GTF2A1: variants seen among roughly 807,000 people sequenced by gnomAD.
GTF2A1 encodes the protein general transcription factor IIA subunit 1.
GTF2A1 carries 12 observed loss-of-function variants against 54.1 expected under a neutral mutation model. The ratio of observed to expected loss-of-function variants is 0.22; its 90% confidence interval spans 0.14 to 0.36. The LOEUF (loss-of-function observed/expected upper bound fraction) is 0.36, where lower values mean the gene tolerates loss of function less well. GTF2A1 is among the 10% of genes least tolerant of loss of function. GTF2A1 has a pLI of 1.00. For missense variants in GTF2A1, 335 were observed against 442.2 expected, an observed-to-expected ratio of 0.76 and a Z score of 2.17; for synonymous variants, 145 against 152.0, an observed-to-expected ratio of 0.95 and a Z score of 0.34.
intron 6 of GTF2A1, among the ~76,000 whole-genome samples, chr14:81,195,420 T>C (rs1276669693): frequency 6.7e-6 from 1 of 150,094 alleles, no homozygotes; most frequent in Non-Finnish European, 1.5e-5. Flanking sequence ...GATCACAAGG[T>C]AAGGAGATAG....
rs575614522 is a variant in GTF2A1 at position 81,185,161 on chromosome 14, C to A, written c.1023+370G>T. On this transcript the variant is annotated intron_variant, in intron 8 of 8. Transcript: ENST00000553612. Reference sequence around the variant, plus strand: ...ACAGTTACAGAGATTCAATTGAACCCTTCTAGTTTTGAGATAGTTGAGGCT... The same window carrying A: ...ACAGTTACAGAGATTCAATTGAACCATTCTAGTTTTGAGATAGTTGAGGCT... Among the ~76,000 whole-genome samples, 30 of 152,204 alleles carry A rather than the reference C, an allele frequency of 2.0e-4. No homozygotes were observed. In the South Asian group the frequency reaches 5.4e-3, roughly 27 times the overall value.
At chr14:81,186,594 T>C (rs906853876) in intron 7 of GTF2A1, among the ~76,000 whole-genome samples, 4 of 152,154 alleles carry the variant, frequency 2.6e-5, no homozygotes, top group African/African-American at 9.7e-5. Flanking sequence ...AAGATGTAAC[T>C]GAGATTTCTA....
chr14:81,209,585 T>C (rs1893317153), intron 2 of GTF2A1, among the ~76,000 whole-genome samples: 1 of 152,196 alleles, frequency 6.6e-6, no homozygotes, highest in African/African-American at 2.4e-5. Context: ...ATCTGCATTT[T>C]AACTAGTACC....
At chr14:81,197,709 T>C (rs922811340) in intron 4 of GTF2A1, among the ~76,000 whole-genome samples, 1 of 152,202 alleles carries the variant, frequency 6.6e-6, no homozygotes, top group African/African-American at 2.4e-5. Context: ...AATTGGGTTT[T>C]TTCCCCTAGA....
intron 7 of GTF2A1, among the ~76,000 whole-genome samples, chr14:81,190,009 A>C (rs1369066884): frequency 1.0e-4 from 1 of 9,578 alleles, no homozygotes; most frequent in African/African-American, 1.8e-3. Context: ...TGAACAGGGA[A>C]AAAAAAAGAT....
In GTF2A1 at chr14:81,178,198, A is replaced by C. The variant is rs2140142353; in HGVS notation, c.*2025T>G. The C allele has an allele frequency of 6.6e-6, 1 of 152,266 alleles. No individual in the cohort carries two copies. Among genetic ancestry groups the C allele is most frequent in the South Asian group, 2.1e-4 (1 of 4,828 alleles). The allele number at this position is 152,266 out of a possible 1,614,324, so 9.4% of individuals were successfully genotyped here. A position where few individuals can be genotyped will look rare whatever the true frequency, so the allele number is the denominator to read the frequency against. ...AAGTTTCAGTAGCATAAAAACTACT[A>C]GATAGCCAAAGGGTTTCACTTAAGC... On this transcript the variant is annotated 3_prime_UTR_variant, in exon 9 of 9. Coordinates refer to ENST00000553612, the MANE Select transcript of GTF2A1 (RefSeq NM_015859.4).
chr14:81,186,446 T>G (rs1454362095), intron 7 of GTF2A1, among the ~76,000 whole-genome samples: 1 of 151,828 alleles, frequency 6.6e-6, no homozygotes, highest in African/African-American at 2.4e-5. Flanking sequence ...AGAATTAAGA[T>G]TCAGACTTTT....
intron 1 of GTF2A1, 101 bp downstream of exon 1, chr14:81,220,388 A>T: frequency 1.5e-6 from 1 of 650,686 alleles, no homozygotes; most frequent in Non-Finnish European, 2.3e-6. Flanking sequence ...GGGCGGCTGA[A>T]GAGTCGAGGC....
chr14:81,191,185 C>T (rs918451244), intron 7 of GTF2A1, among the ~76,000 whole-genome samples: 1 of 151,870 alleles, frequency 6.6e-6, no homozygotes, highest in Non-Finnish European at 1.5e-5. Context: ...AATCAGGAAG[C>T]CTGACACTAT....
At chr14:81,203,183 C>T (rs1404049753) in intron 3 of GTF2A1, among the ~76,000 whole-genome samples, 1 of 152,106 alleles carries the variant, frequency 6.6e-6, no homozygotes, top group African/African-American at 2.4e-5. Flanking sequence ...AAAACTGAGC[C>T]AAGGGCTATT....
chr14:81,197,594 T>A (rs1375656863), intron 4 of GTF2A1, 110 bp from the exon 5 acceptor site: 2 of 604,382 alleles, frequency 3.3e-6, no homozygotes, highest in Non-Finnish European at 5.8e-6. Flanking sequence ...TACCAAAATT[T>A]AAAAAATCTA....
At chr14:81,190,406 A>G (rs1566853010) in intron 7 of GTF2A1, among the ~76,000 whole-genome samples, 1 of 152,168 alleles carries the variant, frequency 6.6e-6, no homozygotes, top group Non-Finnish European at 1.5e-5. Context: ...TATCTACAAA[A>G]AAGTCCTCAA....
chr14:81,178,553 T>G lies in GTF2A1; in HGVS notation c.*1670A>C, dbSNP rs1217161903. On this transcript the variant is annotated 3_prime_UTR_variant, in exon 9 of 9. Coordinates refer to ENST00000553612, the MANE Select transcript of GTF2A1 (RefSeq NM_015859.4). ...ACCATTAACACCAAAGTTTAGAACA[T>G]AAGTTAAAGAGATCAAGGTGGTAAG... is the stretch of plus-strand genomic sequence containing the variant. 6.6e-6 allele frequency: 1 copy of G among 151,738 alleles called. No homozygotes were observed. Among genetic ancestry groups the G allele is most frequent in the East Asian group, 1.9e-4 (1 of 5,168 alleles). 9.4% of individuals were successfully genotyped at this position (151,738 alleles called of 1,614,324 possible). A position where few individuals can be genotyped will look rare whatever the true frequency, so the allele number is the denominator to read the frequency against.
intron 6 of GTF2A1, 26 bp from the exon 7 acceptor site, chr14:81,192,865 A>T: frequency 7.6e-7 from 1 of 1,308,198 alleles, no homozygotes; most frequent in Non-Finnish European, 1.1e-6. Context: ...ACCACATAAC[A>T]GTAACTAGTT....
chr14:81,183,206 A>T (rs1375264445), intron 8 of GTF2A1, among the ~76,000 whole-genome samples: 1 of 152,180 alleles, frequency 6.6e-6, no homozygotes, highest in East Asian at 1.9e-4. Context: ...GGGACATCAT[A>T]AACAGTATCT....
intron 8 of GTF2A1, 99 bp from the exon 9 acceptor site, chr14:81,180,429 C>A (rs72695722): frequency 0.048 from 30,524 of 634,500 alleles, 864 homozygotes; most frequent in Middle Eastern, 0.071. Context: ...ACACACACAC[C>A]CCCCCACAAA....
At chr14:81,203,813 G>C in intron 3 of GTF2A1, 87 bp downstream of exon 3, 1 of 1,172,914 alleles carries the variant, frequency 8.5e-7, no homozygotes, top group Non-Finnish European at 1.3e-6. Context: ...TAAAAGACAA[G>C]ATCCAAAAAA....
intron 7 of GTF2A1, among the ~76,000 whole-genome samples, chr14:81,188,976 C>T (rs1230708371): frequency 6.6e-6 from 1 of 152,140 alleles, no homozygotes; most frequent in Non-Finnish European, 1.5e-5. Flanking sequence ...GAAGACTATT[C>T]TGTCCCTACT....
rs1052372823 is a variant in GTF2A1, at chr14:81,179,719, G to A, written c.*504C>T. The A allele has an allele frequency of 6.6e-6, 1 of 152,170 alleles. No individual in the cohort carries two copies. Among genetic ancestry groups the A allele is most frequent in the Non-Finnish European group, 1.5e-5 (1 of 68,028 alleles). 9.4% of individuals were successfully genotyped at this position (152,170 alleles called of 1,614,324 possible). A position where few individuals can be genotyped will look rare whatever the true frequency, so the allele number is the denominator to read the frequency against. ...AGTAAAAATATTTAAGACCTATTATGAGAGTTTTAAATTGTTTTCTTATAC... is the reference window on the plus strand; with the variant it reads ...AGTAAAAATATTTAAGACCTATTATAAGAGTTTTAAATTGTTTTCTTATAC... On this transcript the variant is annotated 3_prime_UTR_variant, in exon 9 of 9. Transcript: ENST00000553612.
Sources: allele counts gnomAD v4.1 joint callset (sites outside exome capture counted in the v4.1 genomes callset), GRCh38; gene constraint gnomAD v4.1.1; transcripts MANE v1.5; gene names NCBI Gene and HGNC (gene_info 2026-07-23, HGNC 2026-07-21).